Variants in ZNF316 observed in about 807,000 individuals in gnomAD.
ZNF316 encodes zinc finger protein 316.
ZNF316 carries 23 observed loss-of-function variants against 75.6 expected under a neutral mutation model. The observed-to-expected ratio is 0.30, with a 90% CI of 0.22 to 0.43. ZNF316 has a LOEUF of 0.43. Ranked by LOEUF, ZNF316 falls within the 20% of genes least tolerant of loss-of-function variation. ZNF316 has a pLI of 1.00. For synonymous variants in ZNF316, 827 were observed against 666.2 expected (o/e 1.24, Z -3.72); for missense variants, 1,266 against 1,409.4 (o/e 0.90, Z 1.63).
chr7:6,640,248 T>C lies in ZNF316; in HGVS notation c.-167+1107T>C, dbSNP rs1190431377. On this transcript the variant is annotated intron_variant, in intron 3 of 8. Transcript: ENST00000382252. This position sits in a 1 kb window ranked among gnomAD's most constrained non-coding sequence, Gnocchi z 5.1. ...AGGTGTCAGGCTGTTCTCGCATTGC[T>C]GTAAAGAAATACCTGAGACTGGGTC... Among the ~76,000 whole-genome samples the C allele has an allele frequency of 3.3e-5, 5 of 152,156 alleles. No individual in the cohort carries two copies. The highest frequency in any genetic ancestry group is 7.3e-5 in the Non-Finnish European group (5 of 68,034).
In ZNF316 at chr7:6,644,570, A is replaced by T; in HGVS notation, c.683A>T (p.Asp228Val). The change falls in exon 8 of 9, where the codon GAC becomes GTC. Residue 228 changes from aspartate (D) to valine (V), a missense_variant. By Grantham distance (152) the Asp-to-Val change is radical. Transcript: ENST00000382252. Reference sequence around the variant, plus strand: ...GATAGTCCCCGACCTGAGGAAGGAGACATCGTCACTGGCGTCTACACAGGT... The same window carrying T: ...GATAGTCCCCGACCTGAGGAAGGAGTCATCGTCACTGGCGTCTACACAGGT... ...VPDSPRPEEGDIVTGVYTGAW... is the reference protein window; with the variant it reads ...VPDSPRPEEGVIVTGVYTGAW... 1 of 1,232,182 alleles carries T rather than the reference A, an allele frequency of 8.1e-7. No homozygotes were observed. Among genetic ancestry groups the T allele is most frequent in the Non-Finnish European group, 1.0e-6 (1 of 987,954 alleles). 76.3% of individuals were successfully genotyped at this position (1,232,182 alleles called of 1,614,324 possible).
At position 6,639,895 on chromosome 7, in the gene ZNF316, A is replaced by G. The variant is rs2254381; in HGVS notation, c.-167+754A>G. 0.27 allele frequency among the ~76,000 whole-genome samples: 40,781 copies of G among 152,078 alleles called. 6,095 individuals are homozygous for G. Among genetic ancestry groups the G allele is most frequent in the East Asian group, 0.52 (2,665 of 5,166 alleles). On this transcript the variant is annotated intron_variant, in intron 3 of 8. Coordinates refer to ENST00000382252, the MANE Select transcript of ZNF316 (RefSeq NM_001278559.2). The surrounding 1 kb of genome is among the most constrained non-coding windows in gnomAD (Gnocchi z 4.2). ...GGATTTCGACACTTTGGGCATCTTC[A>G]CACGCCAAAGAGCTGTGGACACTGA...
Position 6,655,827 on chromosome 7 carries a change from CACCCA to C in ZNF316, c.*1219_*1223del, listed in dbSNP as rs1779615553. The C allele has an allele frequency of 6.6e-6, 1 of 152,352 alleles. No homozygotes were observed. Among genetic ancestry groups the C allele is most frequent in the East Asian group, 1.9e-4 (1 of 5,154 alleles). The allele number at this position is 152,352 out of a possible 1,614,324, so 9.4% of individuals were successfully genotyped here. On this transcript the variant is annotated 3_prime_UTR_variant, in exon 9 of 9. Coordinates refer to ENST00000382252, the MANE Select transcript of ZNF316 (RefSeq NM_001278559.2). ...AGCCGTGGCTCAGTGACAAACCAGG[CACCCA>C]ACTATGCAAGGCCCCTGCCTGGTGG...
intron 6 of ZNF316, 56 bp downstream of exon 6, chr7:6,643,129 G>A (rs779213976): frequency 4.1e-6 from 5 of 1,231,840 alleles, no homozygotes; most frequent in African/African-American, 1.5e-5. Flanking sequence ...TTCCCCCGGG[G>A]CCTCGGCACC....
At chr7:6,644,866 T>C (rs1443892473) in intron 8 of ZNF316, among the ~76,000 whole-genome samples, 2 of 152,200 alleles carry the variant, frequency 1.3e-5, no homozygotes, top group African/African-American at 4.8e-5. Context: ...AGGGGCCAGC[T>C]GTCAGGTGGT....
chr7:6,657,097 G>T lies in ZNF316; in HGVS notation c.*2486G>T, dbSNP rs1396388506. Among the ~76,000 whole-genome samples, 1 of 152,000 alleles carries T rather than the reference G, an allele frequency of 6.6e-6. No individual in the cohort carries two copies. The highest frequency in any genetic ancestry group is 1.5e-5 in the Non-Finnish European group (1 of 67,998). ...CAACCTCTGCCTCCCAGGTTCAAGCGATTCTCCTGCCTCAGACTGCCGAGT... is the reference window on the plus strand; with the variant it reads ...CAACCTCTGCCTCCCAGGTTCAAGCTATTCTCCTGCCTCAGACTGCCGAGT... On this transcript the variant is annotated 3_prime_UTR_variant, in exon 9 of 9. Transcript: ENST00000382252.
chr7:6,642,855 C>T lies in ZNF316; in HGVS notation c.355+91C>T, dbSNP rs974972703. Reference sequence around the variant, plus strand: ...GGTCAAGCCAGGAGGGCTCTTGGGCCGACAGGGTGGAGCTGAAACCCAGCT... The same window carrying T: ...GGTCAAGCCAGGAGGGCTCTTGGGCTGACAGGGTGGAGCTGAAACCCAGCT... On this transcript the variant is annotated intron_variant, in intron 5 of 8. Coordinates refer to ENST00000382252, the MANE Select transcript of ZNF316 (RefSeq NM_001278559.2). This position sits in a 1 kb window ranked among gnomAD's most constrained non-coding sequence, Gnocchi z 8.1. 12 of 1,228,982 alleles carry T rather than the reference C, an allele frequency of 9.8e-6. No homozygotes were observed. Among genetic ancestry groups the T allele is most frequent in the African/African-American group, 7.8e-5 (5 of 64,350 alleles). 76.1% of individuals were successfully genotyped at this position (1,228,982 alleles called of 1,614,324 possible). A position where few individuals can be genotyped will look rare whatever the true frequency, so the allele number is the denominator to read the frequency against.
At position 6,640,221 on chromosome 7, in the gene ZNF316, C is replaced by T. The variant is rs1779287114; in HGVS notation, c.-167+1080C>T. On this transcript the variant is annotated intron_variant, in intron 3 of 8. Coordinates refer to ENST00000382252, the MANE Select transcript of ZNF316 (RefSeq NM_001278559.2). The surrounding 1 kb of genome is among the most constrained non-coding windows in gnomAD (Gnocchi z 5.1). ...CGGCTGCTATGGTTTGGGTGTTTGTCCAGGTGTCAGGCTGTTCTCGCATTG... is the reference window on the plus strand; with the variant it reads ...CGGCTGCTATGGTTTGGGTGTTTGTTCAGGTGTCAGGCTGTTCTCGCATTG... 6.6e-6 allele frequency among the ~76,000 whole-genome samples: 1 copy of T among 152,102 alleles called. No individual in the cohort carries two copies. The highest frequency in any genetic ancestry group is 1.5e-5 in the Non-Finnish European group (1 of 68,032).
intron 8 of ZNF316, among the ~76,000 whole-genome samples, chr7:6,650,353 A>G (rs988787279): frequency 2.0e-5 from 3 of 152,226 alleles, no homozygotes; most frequent in Non-Finnish European, 4.4e-5. Flanking sequence ...CTTAGTGACA[A>G]GAAACCTTTT....
In ZNF316 at chr7:6,653,298, G is replaced by C; in HGVS notation, c.1702G>C (p.Gly568Arg). 1 of 1,227,640 alleles carries C rather than the reference G, an allele frequency of 8.1e-7. No individual in the cohort carries two copies. Among genetic ancestry groups the C allele is most frequent in the Non-Finnish European group, 1.0e-6 (1 of 985,900 alleles). 76.0% of individuals were successfully genotyped at this position (1,227,640 alleles called of 1,614,324 possible). A position where few individuals can be genotyped will look rare whatever the true frequency, so the allele number is the denominator to read the frequency against. ...EAAVAAPTPS[G>R]KVDPAPERRF... ...GGCGGTGGCGGCGCCCACCCCCAGCGGCAAGGTGGACCCCGCGCCGGAACG... is the reference window on the plus strand; with the variant it reads ...GGCGGTGGCGGCGCCCACCCCCAGCCGCAAGGTGGACCCCGCGCCGGAACG... The change falls in exon 9 of 9, where the codon GGC becomes CGC. Residue 568 changes from glycine to arginine, a missense_variant. By Grantham distance (125) the Gly-to-Arg change is moderately radical (BLOSUM62 -2). Around this residue, in one of 3 missense-constraint regions of ZNF316, gnomAD observed 961 missense variants for 990.9 expected, o/e 0.97. Transcript: ENST00000382252.
In ZNF316 at chr7:6,653,151, C is replaced by G; in HGVS notation, c.1555C>G (p.Arg519Gly). ...GGAGGCGGGTGGTGACGGCCCCCGGCGGGAGCCCGGCGAGACGGCGGCCGC... is the reference window on the plus strand; with the variant it reads ...GGAGGCGGGTGGTGACGGCCCCCGGGGGGAGCCCGGCGAGACGGCGGCCGC... ...CAEAGGDGPRREPGETAAAAG... is the reference protein window; with the variant it reads ...CAEAGGDGPRGEPGETAAAAG... Residue 519 changes from arginine to glycine, a missense_variant, in exon 9 of 9, where the codon CGG becomes GGG. By Grantham distance (125) the Arg-to-Gly change is moderately radical. Around this residue, in one of 3 missense-constraint regions of ZNF316, gnomAD observed 961 missense variants for 990.9 expected, o/e 0.97. Coordinates refer to ENST00000382252, the MANE Select transcript of ZNF316 (RefSeq NM_001278559.2). The G allele has an allele frequency of 8.5e-7, 1 of 1,181,940 alleles. No individual in the cohort carries two copies. The allele number at this position is 1,181,940 out of a possible 1,614,324, so 73.2% of individuals were successfully genotyped here.
intron 8 of ZNF316, among the ~76,000 whole-genome samples, chr7:6,647,650 C>T (rs1336791749): frequency 6.6e-6 from 1 of 152,230 alleles, no homozygotes; most frequent in Non-Finnish European, 1.5e-5. Context: ...GTTCAGTCAG[C>T]CAACTCCGTG....
rs1779338419 is a variant in ZNF316 at position 6,643,022 on chromosome 7, A to AGAGGAG, written c.423_428dup (p.Glu141_Glu142dup). The AGAGGAG allele has an allele frequency of 3.2e-6, 4 of 1,239,190 alleles. No individual in the cohort carries two copies. The highest frequency in any genetic ancestry group is 6.2e-5 in the East Asian group (2 of 32,010). The allele number at this position is 1,239,190 out of a possible 1,614,324, so 76.8% of individuals were successfully genotyped here. ...GGGATGAGGACCTGGAGGAGGAGGA[A>AGAGGAG]GAGGAGGAGGAGGATGAGGACGAGG... On this transcript the variant is annotated inframe_insertion, in exon 6 of 9. Coordinates refer to ENST00000382252, the MANE Select transcript of ZNF316 (RefSeq NM_001278559.2).
At position 6,642,927 on chromosome 7, in the gene ZNF316, C is replaced by T; in HGVS notation, c.356-37C>T. 8.1e-7 allele frequency: 1 copy of T among 1,232,264 alleles called. No homozygotes were observed. The highest frequency in any genetic ancestry group is 1.0e-6 in the Non-Finnish European group (1 of 988,176). 76.3% of individuals were successfully genotyped at this position (1,232,264 alleles called of 1,614,324 possible). A position where few individuals can be genotyped will look rare whatever the true frequency, so the allele number is the denominator to read the frequency against. On this transcript the variant is annotated intron_variant, in intron 5 of 8. Coordinates refer to ENST00000382252, the MANE Select transcript of ZNF316 (RefSeq NM_001278559.2). The surrounding 1 kb of genome is among the most constrained non-coding windows in gnomAD (Gnocchi z 8.1). ...GGCTCCTGGCCCTGCAGGCTGGGGG[C>T]TCAGGGCAGCTGGCCCTAAGAGATC... is the stretch of plus-strand genomic sequence containing the variant.
intron 8 of ZNF316, among the ~76,000 whole-genome samples, chr7:6,648,027 A>G (rs1235627667): frequency 1.3e-5 from 2 of 152,290 alleles, no homozygotes; most frequent in East Asian, 3.9e-4. Flanking sequence ...ACTGCCTCCC[A>G]CACAGTTAAA....
Position 6,652,844 on chromosome 7 carries a change from G to T in ZNF316, c.1248G>T (p.Leu416=). 1 of 1,251,900 alleles carries T rather than the reference G, an allele frequency of 8.0e-7. No homozygotes were observed. Among genetic ancestry groups the T allele is most frequent in the Non-Finnish European group, 1.0e-6 (1 of 997,672 alleles). 77.5% of individuals were successfully genotyped at this position (1,251,900 alleles called of 1,614,324 possible). Residue 416 remains leucine, a synonymous_variant, in exon 9 of 9, where the codon CTG becomes CTT. Coordinates refer to ENST00000382252, the MANE Select transcript of ZNF316 (RefSeq NM_001278559.2). Reference sequence around the variant, plus strand: ...AGCGCTTCGTCTACAAGTCGCACCTGGTTACGCACCGACGCATCCATACTG... The same window carrying T: ...AGCGCTTCGTCTACAAGTCGCACCTTGTTACGCACCGACGCATCCATACTG... ...CGKRFVYKSH[L]VTHRRIHTGE... is the part of the protein sequence containing the mutation.
Position 6,642,649 on chromosome 7 carries a change from C to T in ZNF316, c.240C>T (p.Asp80=). 22 of 1,234,894 alleles carry T rather than the reference C, an allele frequency of 1.8e-5. No individual in the cohort carries two copies. Among genetic ancestry groups the T allele is most frequent in the South Asian group, 4.1e-5 (1 of 24,640 alleles). 76.5% of individuals were successfully genotyped at this position (1,234,894 alleles called of 1,614,324 possible). The part of the protein sequence containing the change: ...EAVAEVEVEA[D]VEEEDVKEVL... ...TGGCCGAGGTGGAGGTGGAGGCGGA[C>T]GTGGAGGAGGAGGATGTGAAGGAGG... Residue 80 remains aspartate (D), a synonymous_variant, in exon 5 of 9, where the codon GAC becomes GAT. Transcript: ENST00000382252. This position sits in a 1 kb window ranked among gnomAD's most constrained non-coding sequence, Gnocchi z 8.1.
At chr7:6,645,867 G>C (rs551153325) in intron 8 of ZNF316, among the ~76,000 whole-genome samples, 1 of 151,422 alleles carries the variant, frequency 6.6e-6, no homozygotes, top group Non-Finnish European at 1.5e-5. Context: ...GGTGGTGCGC[G>C]CCTGTAGTCC....
At chr7:6,652,251 T>C in intron 8 of ZNF316, 52 bp from the exon 9 acceptor site, 1 of 1,231,188 alleles carries the variant, frequency 8.1e-7, no homozygotes, top group South Asian at 4.1e-5. Flanking sequence ...TGCCAGAGGC[T>C]CCTGTCAAGT....
Sources: gnomAD v4.1 joint callset for allele counts (sites outside exome capture counted in the v4.1 genomes callset) on GRCh38, gnomAD v4.1.1 for gene constraint, gnomAD v4.1.1 regional missense constraint, Gnocchi (gnomAD v3.1) non-coding constraint, MANE v1.5 for transcripts, NCBI Gene and HGNC (gene_info 2026-07-23, HGNC 2026-07-21) for gene names.